CLPX: variants seen among roughly 807,000 people sequenced by gnomAD.
The protein encoded by CLPX is ATP-dependent clpX-like chaperone, mitochondrial.
CLPX carries 34 observed loss-of-function variants against 76.4 expected under a neutral mutation model. The ratio of observed to expected loss-of-function variants is 0.45; its 90% CI spans 0.34 to 0.59. The LOEUF (loss-of-function observed/expected upper bound fraction) is 0.59, where lower values mean the gene tolerates loss of function less well. Among genes scored for constraint, CLPX ranks in the 20% least tolerant of loss-of-function variants. The pLI is 0.01. For synonymous variants in CLPX, 248 were observed against 270.9 expected, an observed-to-expected ratio of 0.92 and a Z score of 0.83; for missense variants, 613 against 757.0, an observed-to-expected ratio of 0.81 and a Z score of 2.23.
At chr15:65,162,581 G>A (rs750759574) in intron 6 of CLPX, 23 bp downstream of exon 6, 1 of 1,526,510 alleles carries the variant, frequency 6.6e-7, no homozygotes, top group Non-Finnish European at 9.1e-7. Context: ...AATGATTACA[G>A]AGGAGGACCT....
At chr15:65,153,101 C>T (rs544820918) in intron 12 of CLPX, among the ~76,000 whole-genome samples, 1 of 151,612 alleles carries the variant, frequency 6.6e-6, no homozygotes, top group Admixed American at 6.6e-5. Context: ...GTTGCAAACA[C>T]CTTGAAGTTC....
Position 65,158,976 on chromosome 15 carries a change from T to C in CLPX, c.716-225A>G, listed in dbSNP as rs74825629. On this transcript the variant is annotated intron_variant, in intron 6 of 13. Coordinates refer to ENST00000300107, the MANE Select transcript of CLPX (RefSeq NM_006660.5). Reference sequence around the variant, plus strand: ...TCAAGCAAAGGAAATTGATTTTTTTTACTGTCCTTATTTATATAAATATGT... The same window carrying C: ...TCAAGCAAAGGAAATTGATTTTTTTCACTGTCCTTATTTATATAAATATGT... Among the ~76,000 whole-genome samples, 873 of 152,354 alleles carry C rather than the reference T, an allele frequency of 5.7e-3. 5 individuals carry two copies. The highest frequency in any genetic ancestry group is 0.014 in the Middle Eastern group (4 of 294).
Position 65,152,413 on chromosome 15 carries a change from T to C in CLPX, c.1811+17A>G. 7.5e-7 allele frequency: 1 copy of C among 1,339,848 alleles called. No individual in the cohort carries two copies. Among genetic ancestry groups the C allele is most frequent in the Non-Finnish European group, 1.0e-6 (1 of 985,836 alleles). 83.0% of individuals were successfully genotyped at this position (1,339,848 alleles called of 1,614,324 possible). A position where few individuals can be genotyped will look rare whatever the true frequency, so the allele number is the denominator to read the frequency against. ...TCTTAAATTTTGTATCTGTTCTGGC[T>C]TGAAAATACACTTTACCGGATGTAT... On this transcript the variant is annotated intron_variant, in intron 13 of 13. Coordinates refer to ENST00000300107, the MANE Select transcript of CLPX (RefSeq NM_006660.5).
intron 3 of CLPX, among the ~76,000 whole-genome samples, chr15:65,177,910 C>T (rs756606421): frequency 6.6e-6 from 1 of 152,144 alleles, no homozygotes; most frequent in Non-Finnish European, 1.5e-5. Flanking sequence ...GATCCTCCTA[C>T]CTCAGCCCCT....
intron 6 of CLPX, among the ~76,000 whole-genome samples, chr15:65,159,811 CTT>C (rs879755107): frequency 9.9e-5 from 14 of 141,122 alleles, no homozygotes; most frequent in Middle Eastern, 3.7e-3. Flanking sequence ...ATTTTCTTTT[CTT>C]TTTTTTTTTT....
rs1010438925 is a variant in CLPX at position 65,157,024 on chromosome 15, G to C, written c.1058-92C>G. On this transcript the variant is annotated intron_variant, in intron 8 of 13. Coordinates refer to ENST00000300107, the MANE Select transcript of CLPX (RefSeq NM_006660.5). ...AATACTTAGGTAGCTAGAGAACAAA[G>C]TTATTTGATCTTTCATACTTAACAT... The C allele has an allele frequency of 2.4e-5, 18 of 735,548 alleles. No homozygotes were observed. The African/African-American group carries it at 3.2e-4, about 13-fold the overall frequency. The allele number at this position is 735,548 out of a possible 1,614,324, so 45.6% of individuals were successfully genotyped here.
At chr15:65,156,785 G>T in intron 9 of CLPX, 59 bp downstream of exon 9, 1 of 1,019,616 alleles carries the variant, frequency 9.8e-7, no homozygotes, top group Non-Finnish European at 1.5e-6. Context: ...TACAATATTT[G>T]GGAGGTTGAT....
chr15:65,167,450 AAAGT>A (rs953566732), intron 3 of CLPX, among the ~76,000 whole-genome samples: 1 of 152,232 alleles, frequency 6.6e-6, no homozygotes, highest in African/African-American at 2.4e-5. Flanking sequence ...ACAAACTAAA[AAAGT>A]AAAATACAAG....
chr15:65,182,279 A>G (rs898153642), intron 1 of CLPX, among the ~76,000 whole-genome samples: 1 of 152,166 alleles, frequency 6.6e-6, no homozygotes, highest in African/African-American at 2.4e-5. Context: ...TTTTTGTGCC[A>G]TGAACCCCTT....
intron 11 of CLPX, among the ~76,000 whole-genome samples, chr15:65,154,481 G>A (rs896639480): frequency 6.6e-6 from 1 of 152,180 alleles, no homozygotes; most frequent in Non-Finnish European, 1.5e-5. Flanking sequence ...AAAGCATTTA[G>A]AATACCAAGA....
intron 3 of CLPX, among the ~76,000 whole-genome samples, chr15:65,172,015 G>A (rs1394392952): frequency 6.6e-6 from 1 of 152,028 alleles, no homozygotes; most frequent in East Asian, 1.9e-4. Context: ...TGTTTTTTGA[G>A]ACAGAGTTTC....
intron 3 of CLPX, among the ~76,000 whole-genome samples, chr15:65,170,131 C>T (rs1457316989): frequency 2.0e-5 from 3 of 151,992 alleles, no homozygotes; most frequent in Non-Finnish European, 4.4e-5. Flanking sequence ...CTCAAGGGAT[C>T]CTCCCACCTC....
Position 65,180,065 on chromosome 15 carries a change from A to G in CLPX, c.219T>C (p.Asp73=). 1 of 1,610,182 alleles carries G rather than the reference A, an allele frequency of 6.2e-7. No homozygotes were observed. The highest frequency in any genetic ancestry group is 8.5e-7 in the Non-Finnish European group (1 of 1,178,008). ...YFASKDGISK[D]GSGDGNKKSA... ...TTACCTTATTTCCATCTCCAGAACC[A>G]TCTTTACTTATCCCATCTTTTGAGG... The change falls in exon 2 of 14, where the codon GAT becomes GAC. Residue 73 remains aspartate (D), a synonymous_variant. Transcript: ENST00000300107.
At chr15:65,175,937 G>C (rs893878867) in intron 3 of CLPX, among the ~76,000 whole-genome samples, 3 of 152,156 alleles carry the variant, frequency 2.0e-5, no homozygotes, top group African/African-American at 7.2e-5. Flanking sequence ...TAGAGGACAG[G>C]GACAGTGTCA....
At chr15:65,151,097 C>CA (rs2087713231) in intron 13 of CLPX, among the ~76,000 whole-genome samples, 184 bp from the exon 14 acceptor site, 1 of 152,106 alleles carries the variant, frequency 6.6e-6, no homozygotes, top group Non-Finnish European at 1.5e-5. Flanking sequence ...GTAATCCCAG[C>CA]ATTTTGGAAG....
At chr15:65,185,030 C>T (rs76636977) in intron 1 of CLPX, 45 bp downstream of exon 1, 144,296 of 1,489,820 alleles carry the variant, frequency 0.097, 8,486 homozygotes, top group Non-Finnish European at 0.11. Flanking sequence ...CAGTCCACCC[C>T]CCCCCCGACA....
intron 12 of CLPX, among the ~76,000 whole-genome samples, 158 bp downstream of exon 12, chr15:65,153,389 G>C (rs2087748563): frequency 6.6e-6 from 1 of 152,104 alleles, no homozygotes; most frequent in Admixed American, 6.6e-5. Flanking sequence ...CTGGGAGGTG[G>C]AGATTGCAGT....
chr15:65,178,885 T>C (rs1482480524), intron 3 of CLPX, 49 bp downstream of exon 3: 1 of 1,052,164 alleles, frequency 9.5e-7, no homozygotes, highest in Non-Finnish European at 1.4e-6. Context: ...CACTTAGTAA[T>C]TTACAGAAAA....
At chr15:65,156,183 G>C (rs766636166) in intron 9 of CLPX, among the ~76,000 whole-genome samples, 6 of 152,074 alleles carry the variant, frequency 3.9e-5, no homozygotes, top group Non-Finnish European at 7.4e-5. Context: ...AGCACGGTGG[G>C]AACATTCAAA....
Sources: gnomAD v4.1 joint callset for allele counts (sites outside exome capture counted in the v4.1 genomes callset) on GRCh38, gnomAD v4.1.1 for gene constraint, MANE v1.5 for transcripts, NCBI Gene and HGNC (gene_info 2026-07-23, HGNC 2026-07-21) for gene names.